GRIN3A: variants seen among roughly 807,000 people sequenced by gnomAD.
GRIN3A encodes the protein glutamate ionotropic receptor NMDA type subunit 3A.
In GRIN3A, 47 loss-of-function variants were observed where a neutral mutation model predicts 92.4. That is an observed-to-expected ratio of 0.51 (90% CI 0.40 to 0.65). The LOEUF (loss-of-function observed/expected upper bound fraction) is 0.65, where lower values mean the gene tolerates loss of function less well. Among genes scored for constraint, GRIN3A ranks in the 30% least tolerant of loss-of-function variants. The probability of loss-of-function intolerance (pLI) is 0.00; values close to 1 mark genes in which losing one functional copy is unlikely to be tolerated. For synonymous variants in GRIN3A, 527 were observed against 540.6 expected (o/e 0.97, Z 0.35); for missense variants, 1,324 against 1,393.1 (o/e 0.95, Z 0.79).
chr9:101,590,972 T>G (rs772963203), intron 6 of GRIN3A, among the ~76,000 whole-genome samples: 16 of 152,228 alleles, frequency 1.1e-4, no homozygotes, highest in Non-Finnish European at 1.9e-4. Flanking sequence ...AAAGCTAAAT[T>G]GAATTTGCTG....
chr9:101,621,215 G>A (rs939159246), intron 5 of GRIN3A, among the ~76,000 whole-genome samples: 5 of 151,338 alleles, frequency 3.3e-5, no homozygotes, highest in African/African-American at 2.4e-5. Context: ...AACCTGGGAG[G>A]CAGAGGTTGC....
chr9:101,617,488 T>G (rs996458609), intron 5 of GRIN3A, among the ~76,000 whole-genome samples: 1 of 152,152 alleles, frequency 6.6e-6, no homozygotes, highest in African/African-American at 2.4e-5. Context: ...ACACAAGAAA[T>G]AATAAATATT....
intron 3 of GRIN3A, among the ~76,000 whole-genome samples, chr9:101,660,963 G>A (rs1829164595): frequency 6.6e-6 from 1 of 151,786 alleles, no homozygotes; most frequent in Non-Finnish European, 1.5e-5. Flanking sequence ...TAGGTTCTGA[G>A]GATACAGTGT....
intron 6 of GRIN3A, among the ~76,000 whole-genome samples, chr9:101,589,873 G>A (rs1396429585): frequency 6.6e-6 from 1 of 152,134 alleles, no homozygotes; most frequent in Non-Finnish European, 1.5e-5. Context: ...CTGTGCCAAA[G>A]AGTGTAACTA....
intron 1 of GRIN3A, among the ~76,000 whole-genome samples, chr9:101,708,913 A>G (rs1401982335): frequency 2.0e-5 from 3 of 152,250 alleles, no homozygotes; most frequent in Admixed American, 6.5e-5. Context: ...ATCCCACACA[A>G]TAGTAGAAAG....
intron 5 of GRIN3A, among the ~76,000 whole-genome samples, chr9:101,617,205 T>TCA (rs771904967): frequency 2.2e-4 from 24 of 107,158 alleles, no homozygotes; most frequent in African/African-American, 8.1e-4. Context: ...AGACTCCGTC[T>TCA]AAAAAAAAAA....
intron 1 of GRIN3A, among the ~76,000 whole-genome samples, chr9:101,704,258 T>C (rs556620229): frequency 1.3e-5 from 2 of 152,206 alleles, no homozygotes; most frequent in Non-Finnish European, 2.9e-5. Flanking sequence ...CCTGGTAAAA[T>C]AGGGCTAGTC....
chr9:101,645,107 TCTAA>T (rs911704430), intron 3 of GRIN3A, among the ~76,000 whole-genome samples: 2 of 151,960 alleles, frequency 1.3e-5, no homozygotes, highest in African/African-American at 4.8e-5. Context: ...ACTTATTTCT[TCTAA>T]CTGTGTTTCT....
intron 1 of GRIN3A, among the ~76,000 whole-genome samples, chr9:101,723,321 G>T (rs900943345): frequency 3.4e-4 from 51 of 152,092 alleles, no homozygotes; most frequent in Non-Finnish European, 7.4e-5. Context: ...GACCTTCGCG[G>T]TGAGTGTTAC....
chr9:101,605,635 G>A (rs1043496351), intron 6 of GRIN3A, among the ~76,000 whole-genome samples: 1 of 152,214 alleles, frequency 6.6e-6, no homozygotes, highest in African/African-American at 2.4e-5. Context: ...TCAGATGGAG[G>A]CTGGTGGTTT....
chr9:101,640,320 G>C (rs1352385408), intron 3 of GRIN3A, among the ~76,000 whole-genome samples: 1 of 152,192 alleles, frequency 6.6e-6, no homozygotes, highest in African/African-American at 2.4e-5. Context: ...TGCTTTGTGA[G>C]CCAAGCATCT....
intron 6 of GRIN3A, chr9:101,594,779 T>C (rs1325683448): frequency 6.2e-7 from 1 of 1,613,888 alleles, no homozygotes; most frequent in Non-Finnish European, 8.5e-7. Flanking sequence ...GTGGCGCAGC[T>C]CCGGCAGGGA....
In GRIN3A at chr9:101,628,334, C is replaced by G. The variant is rs1588256285; in HGVS notation, c.2420G>C (p.Arg807Thr). The change falls in exon 4 of 9, where the codon AGA becomes ACA. Residue 807 changes from arginine to threonine, a missense_variant. Coordinates refer to ENST00000361820, the MANE Select transcript of GRIN3A (RefSeq NM_133445.3). ...VRESSAEDYV[R>T]QSFPEMHEYM... The stretch of plus-strand genomic sequence containing the variant: ...TTCATGCATCTCTGGGAAACTTTGT[C>G]TCACATAATCTTCAGCACTGCTTTC... 4 of 1,613,938 alleles carry G rather than the reference C, an allele frequency of 2.5e-6. No individual in the cohort carries two copies. Among genetic ancestry groups the G allele is most frequent in the Non-Finnish European group, 3.4e-6 (4 of 1,179,922 alleles).
At chr9:101,718,559 G>C (rs1289888095) in intron 1 of GRIN3A, among the ~76,000 whole-genome samples, 1 of 152,202 alleles carries the variant, frequency 6.6e-6, no homozygotes, top group African/African-American at 2.4e-5. Flanking sequence ...GCTACGCTAA[G>C]CTGCTTAGAA....
At chr9:101,697,927 AT>A (rs1829703732) in intron 1 of GRIN3A, among the ~76,000 whole-genome samples, 1 of 152,188 alleles carries the variant, frequency 6.6e-6, no homozygotes, top group South Asian at 2.1e-4. Flanking sequence ...TACCTCCTGA[AT>A]TTTAAAGGAA....
intron 1 of GRIN3A, among the ~76,000 whole-genome samples, chr9:101,731,670 G>C (rs1335997528): frequency 6.6e-6 from 1 of 152,074 alleles, no homozygotes; most frequent in Non-Finnish European, 1.5e-5. Flanking sequence ...ACTTTTTCAA[G>C]GCAGGAGATC....
At chr9:101,598,519 C>A (rs1828169804) in intron 6 of GRIN3A, among the ~76,000 whole-genome samples, 1 of 152,118 alleles carries the variant, frequency 6.6e-6, no homozygotes, top group Non-Finnish European at 1.5e-5. Flanking sequence ...GCAGTAAGAC[C>A]TTGGACAAGT....
At chr9:101,657,246 A>G (rs2118926896) in intron 3 of GRIN3A, among the ~76,000 whole-genome samples, 1 of 152,106 alleles carries the variant, frequency 6.6e-6, no homozygotes, top group Admixed American at 6.6e-5. Context: ...GTGCCAATTC[A>G]GTAAAACAAA....
chr9:101,720,454 G>A lies in GRIN3A; in HGVS notation c.699+16827C>T, dbSNP rs184395620. Among the ~76,000 whole-genome samples the A allele has an allele frequency of 2.4e-3, 371 of 152,198 alleles. 1 individual carries two copies. Among genetic ancestry groups the A allele is most frequent in the African/African-American group, 8.0e-3 (331 of 41,510 alleles). On this transcript the variant is annotated intron_variant, in intron 1 of 8. Coordinates refer to ENST00000361820, the MANE Select transcript of GRIN3A (RefSeq NM_133445.3). The stretch of plus-strand genomic sequence containing the variant: ...ATTCTAAAACCAAACTTGAAATCAG[G>A]TCTCTGGTTCTCCTCCCGACTCCAT...
Sources: allele counts gnomAD v4.1 joint callset (sites outside exome capture counted in the v4.1 genomes callset), GRCh38; gene constraint gnomAD v4.1.1; transcripts MANE v1.5; gene names NCBI Gene and HGNC (gene_info 2026-07-23, HGNC 2026-07-21).